Variants in HIP1R observed in about 807,000 individuals in gnomAD.
HIP1R encodes huntingtin interacting protein 1 related.
HIP1R carries 135 observed loss-of-function variants against 144.2 expected under a neutral mutation model. That is an observed-to-expected ratio of 0.94 (90% CI 0.81 to 1.08). HIP1R has a LOEUF of 1.08. Ranked by LOEUF, HIP1R falls within the 50% of genes least tolerant of loss-of-function variation. HIP1R has a pLI of 0.00. For missense variants in HIP1R, 1,462 were observed against 1,432.8 expected (o/e 1.02, Z -0.33); for synonymous variants, 698 against 612.8 (o/e 1.14, Z -2.05).
Position 122,855,049 on chromosome 12 carries a change from G to GAGGTTCAGGTA in HIP1R, c.777-4_777-3insAGGTTCAGGTA. 1.2e-6 allele frequency: 2 copies of GAGGTTCAGGTA among 1,613,882 alleles called. No homozygotes were observed. The highest frequency in any genetic ancestry group is 1.7e-6 in the Non-Finnish European group (2 of 1,180,006). ...TGAACCCGAACTTCCCACCATCTCT[G>GAGGTTCAGGTA]CAGCCTCAGGAACTTCTTCCGCAGA... On this transcript the variant is annotated splice_region_variant and splice_polypyrimidine_tract_variant and intron_variant, in intron 9 of 31. Transcript: ENST00000253083.
rs2033671121 is a variant in HIP1R at position 122,858,673 on chromosome 12, G to A, written c.2051-165G>A. Among the ~76,000 whole-genome samples, 6 of 152,192 alleles carry A rather than the reference G, an allele frequency of 3.9e-5. No homozygotes were observed. The South Asian group carries it at 1.2e-3, about 32-fold the overall frequency. Reference sequence around the variant, plus strand: ...GTGGCAGAGCACTGAAGGGCCCGGGGCCACACACACTGTGGTGTGGTTCCC... The same window carrying A: ...GTGGCAGAGCACTGAAGGGCCCGGGACCACACACACTGTGGTGTGGTTCCC... On this transcript the variant is annotated intron_variant, in intron 20 of 31. Transcript: ENST00000253083.
At chr12:122,843,406 T>C (rs927633665) in intron 1 of HIP1R, among the ~76,000 whole-genome samples, 1 of 152,240 alleles carries the variant, frequency 6.6e-6, no homozygotes, top group African/African-American at 2.4e-5. Flanking sequence ...GGAACAATGC[T>C]GTCTGCTCGG....
chr12:122,840,012 G>C lies in HIP1R; in HGVS notation c.93+4369G>C, dbSNP rs1466870222. 5.3e-5 allele frequency among the ~76,000 whole-genome samples: 8 copies of C among 152,232 alleles called. No individual in the cohort carries two copies. The highest frequency in any genetic ancestry group is 8.8e-5 in the Non-Finnish European group (6 of 68,044). On this transcript the variant is annotated intron_variant, in intron 1 of 31. Coordinates refer to ENST00000253083, the MANE Select transcript of HIP1R (RefSeq NM_003959.3). This position sits in a 1 kb window ranked among gnomAD's most constrained non-coding sequence, Gnocchi z 4.2. ...TTGCCCGCAGCATGGCATGGGCGTT[G>C]AGCTCGTTGTTCCTGGGCATGCGCA... is the stretch of plus-strand genomic sequence containing the variant.
chr12:122,855,065 CT>C lies in HIP1R; in HGVS notation c.791del (p.Phe264SerfsTer41). ...HEQFHSLRNFFRRASDMLYFK... is the reference protein window; with the variant it reads ...HEQFHSLRNFXRRASDMLYFK... ...ACCATCTCTGCAGCCTCAGGAACTT[CT>C]TCCGCAGAGCCTCCGACATGCTGTA... On this transcript the variant is annotated frameshift_variant, in exon 10 of 32. Coordinates refer to ENST00000253083, the MANE Select transcript of HIP1R (RefSeq NM_003959.3). LOFTEE classifies it high-confidence loss of function. 6.2e-7 allele frequency: 1 copy of C among 1,613,930 alleles called. No homozygotes were observed. The highest frequency in any genetic ancestry group is 8.5e-7 in the Non-Finnish European group (1 of 1,180,018).
Position 122,858,108 on chromosome 12 carries a change from C to T in HIP1R, c.1822C>T (p.Gln608Ter). The T allele has an allele frequency of 6.3e-7, 1 of 1,582,276 alleles. No individual in the cohort carries two copies. The highest frequency in any genetic ancestry group is 2.3e-5 in the East Asian group (1 of 44,348). Residue 608 changes from glutamine (Q) to a stop codon, truncating the protein, a stop_gained, in exon 19 of 32, where the codon CAG (glutamine) becomes TAG (stop). Transcript: ENST00000253083. LOFTEE classifies it high-confidence loss of function. ...TCTTCACCCCCATTGCCAGGAGTCT[C>T]AGGAGCAGGGGCTGCGGCAGAGGCT... ...LQGRLAERES[Q>*]EQGLRQRLLD...
At position 122,835,584 on chromosome 12, in the gene HIP1R, C is replaced by T. The variant is rs1172282227; in HGVS notation, c.34C>T (p.Leu12=). 7.4e-7 allele frequency: 1 copy of T among 1,347,724 alleles called. No individual in the cohort carries two copies. Among genetic ancestry groups the T allele is most frequent in the Non-Finnish European group, 9.6e-7 (1 of 1,041,086 alleles). 83.5% of individuals were successfully genotyped at this position (1,347,724 alleles called of 1,614,324 possible). ...NSIKNVPARV[L]SRRPGHSLEA... is the part of the protein sequence containing the mutation. ...CATCAAGAACGTGCCGGCGCGGGTG[C>T]TGAGCCGCAGGCCGGGCCACAGCCT... is the stretch of plus-strand genomic sequence containing the variant. Residue 12 remains leucine (L), a synonymous_variant, in exon 1 of 32, where the codon CTG becomes TTG. Transcript: ENST00000253083.
Position 122,861,296 on chromosome 12 carries a change from G to C in HIP1R, c.2953-12G>C, listed in dbSNP as rs375327116. 1 of 1,613,528 alleles carries C rather than the reference G, an allele frequency of 6.2e-7. No homozygotes were observed. Among genetic ancestry groups the C allele is most frequent in the Non-Finnish European group, 8.5e-7 (1 of 1,179,970 alleles). On this transcript the variant is annotated splice_polypyrimidine_tract_variant and intron_variant, in intron 30 of 31. Transcript: ENST00000253083. ...GAGGCTGGGCTGGGCTGAGCAGGCC[G>C]TGTGGCTACAGGTGCGTGTCCTGGA...
Position 122,836,471 on chromosome 12 carries a change from G to C in HIP1R, c.93+828G>C, listed in dbSNP as rs193064287. 2.0e-3 allele frequency among the ~76,000 whole-genome samples: 299 copies of C among 152,206 alleles called. 1 individual carries two copies. Among genetic ancestry groups the C allele is most frequent in the African/African-American group, 6.9e-3 (285 of 41,524 alleles). ...CGTTTTGTACTTGTGTTTGTGCCGG[G>C]GACCCACGATGCAGACGTTGCTGCG... On this transcript the variant is annotated intron_variant, in intron 1 of 31. Coordinates refer to ENST00000253083, the MANE Select transcript of HIP1R (RefSeq NM_003959.3). This position sits in a 1 kb window ranked among gnomAD's most constrained non-coding sequence, Gnocchi z 4.1.
Position 122,855,877 on chromosome 12 carries a change from T to C in HIP1R, c.1102T>C (p.Ser368Pro), listed in dbSNP as rs539235773. ...GAAGAGAGAGGTGGAAATGCTCCGC[T>C]CTGAACTGGAGAAGATCAAGCTGGA... ...SLKREVEMLR[S>P]ELEKIKLEAQ... The change falls in exon 13 of 32, where the codon TCT (serine) becomes CCT (proline). Residue 368 changes from serine (S) to proline (P), a missense_variant. Coordinates refer to ENST00000253083, the MANE Select transcript of HIP1R (RefSeq NM_003959.3). 48 of 1,544,792 alleles carry C rather than the reference T, an allele frequency of 3.1e-5. No individual in the cohort carries two copies. The South Asian group carries it at 5.7e-4, about 18-fold the overall frequency.
In HIP1R at chr12:122,862,782, C is replaced by T. The variant is rs1248092393; in HGVS notation, c.*1029C>T. Reference sequence around the variant, plus strand: ...AGCCAGCAGCTGCCATGCCCTCCTGCTCCCCCCACCCCAGCCCTAGCCCTT... The same window carrying T: ...AGCCAGCAGCTGCCATGCCCTCCTGTTCCCCCCACCCCAGCCCTAGCCCTT... On this transcript the variant is annotated 3_prime_UTR_variant, in exon 32 of 32. Coordinates refer to ENST00000253083, the MANE Select transcript of HIP1R (RefSeq NM_003959.3). The T allele has an allele frequency of 6.6e-6, 1 of 152,116 alleles. No individual in the cohort carries two copies. Among genetic ancestry groups the T allele is most frequent in the Non-Finnish European group, 1.5e-5 (1 of 68,006 alleles). The allele number at this position is 152,116 out of a possible 1,614,324, so 9.4% of individuals were successfully genotyped here. A position where few individuals can be genotyped will look rare whatever the true frequency, so the allele number is the denominator to read the frequency against.
chr12:122,850,073 TC>T (rs2033329948), intron 5 of HIP1R, 118 bp downstream of exon 5: 3 of 750,014 alleles, frequency 4.0e-6, no homozygotes, highest in Non-Finnish European at 7.2e-6. Context: ...GTCTTTCCAT[TC>T]ACCTTCTTGT....
In HIP1R at chr12:122,855,091, ACTTCAAG is replaced by A. The variant is rs1195752727; in HGVS notation, c.817_823del (p.Phe273GlyfsTer30). 1 of 1,613,784 alleles carries A rather than the reference ACTTCAAG, an allele frequency of 6.2e-7. No individual in the cohort carries two copies. Among genetic ancestry groups the A allele is most frequent in the Non-Finnish European group, 8.5e-7 (1 of 1,179,998 alleles). ...TTCCGCAGAGCCTCCGACATGCTGT[ACTTCAAG>A]CGGCTCATCCAGATCCCCCGGCTGC... On this transcript the variant is annotated frameshift_variant, in exon 10 of 32. Coordinates refer to ENST00000253083, the MANE Select transcript of HIP1R (RefSeq NM_003959.3). LOFTEE classifies it high-confidence loss of function.
At chr12:122,845,366 T>G (rs773705783) in intron 1 of HIP1R, among the ~76,000 whole-genome samples, 1 of 152,210 alleles carries the variant, frequency 6.6e-6, no homozygotes, top group Non-Finnish European at 1.5e-5. Context: ...TGCACACATC[T>G]GCCCATCCTA....
rs1192752058 is a variant in HIP1R, at chr12:122,835,763, G to C, written c.93+120G>C. 4.3e-4 allele frequency: 241 copies of C among 557,340 alleles called. 3 individuals carry two copies. The East Asian group carries it at 0.026, about 61-fold the overall frequency. 34.5% of individuals were successfully genotyped at this position (557,340 alleles called of 1,614,324 possible). A position where few individuals can be genotyped will look rare whatever the true frequency, so the allele number is the denominator to read the frequency against. On this transcript the variant is annotated intron_variant, in intron 1 of 31. Coordinates refer to ENST00000253083, the MANE Select transcript of HIP1R (RefSeq NM_003959.3). ...AGGCGCCGGCCAGGGGCGGGGGACG[G>C]CGCGGGGGCAGGGCCTGTGTCCGCC...
chr12:122,837,882 C>G (rs1041568857), intron 1 of HIP1R, among the ~76,000 whole-genome samples: 1 of 152,148 alleles, frequency 6.6e-6, no homozygotes, highest in Non-Finnish European at 1.5e-5. Flanking sequence ...AGCCAGGTCC[C>G]GTGGTGGAAA....
upstream of HIP1R, chr12:122,835,428 C>A: frequency 8.8e-7 from 1 of 1,134,458 alleles, no homozygotes; most frequent in African/African-American, 1.7e-5. Context: ...GAGGCGGGCT[C>A]CTCCCCGGCG....
chr12:122,857,981 C>G lies in HIP1R; in HGVS notation c.1816-121C>G, dbSNP rs921634230. The G allele has an allele frequency of 1.1e-5, 9 of 828,838 alleles. No individual in the cohort carries two copies. In the African/African-American group the frequency reaches 1.5e-4, roughly 14 times the overall value. 51.3% of individuals were successfully genotyped at this position (828,838 alleles called of 1,614,324 possible). A position where few individuals can be genotyped will look rare whatever the true frequency, so the allele number is the denominator to read the frequency against. The stretch of plus-strand genomic sequence containing the variant: ...AGCCTCTTTCTAGAAATCTCCACCC[C>G]CCTGACCAGTGAGGGTCTCAGCTGG... On this transcript the variant is annotated intron_variant, in intron 18 of 31. Transcript: ENST00000253083.
At chr12:122,857,316 G>C (rs2343109) in intron 18 of HIP1R, 101 bp downstream of exon 18, 1,014,715 of 1,184,604 alleles carry the variant, frequency 0.86, 438,062 homozygotes, top group Admixed American at 0.91. Flanking sequence ...TTCATGTAAA[G>C]GGGATCATAC....
chr12:122,856,468 C>T lies in HIP1R; in HGVS notation c.1438C>T (p.Gln480Ter). 2 of 1,589,594 alleles carry T rather than the reference C, an allele frequency of 1.3e-6. No individual in the cohort carries two copies. Among genetic ancestry groups the T allele is most frequent in the Non-Finnish European group, 1.7e-6 (2 of 1,167,598 alleles). The stretch of plus-strand genomic sequence containing the variant: ...AGCCAAGCAGCTGACGGTGACGCAG[C>T]AAAGCCAGGAGGAGGTGGCGCGGGT... ...DTAKQLTVTQ[Q>*]SQEEVARVKE... Residue 480 changes from glutamine (Q) to a stop codon, truncating the protein, a stop_gained, in exon 16 of 32, where the codon CAA (glutamine) becomes TAA (stop). Transcript: ENST00000253083. LOFTEE classifies it high-confidence loss of function.
Sources: allele counts gnomAD v4.1 joint callset (sites outside exome capture counted in the v4.1 genomes callset), GRCh38; gene constraint gnomAD v4.1.1; non-coding constraint Gnocchi (gnomAD v3.1); transcripts MANE v1.5; gene names NCBI Gene and HGNC (gene_info 2026-07-23, HGNC 2026-07-21).